The following PPP1R13B variants were observed in gnomAD, a reference collection of about 807,000 sequenced individuals.
PPP1R13B encodes apoptosis-stimulating of p53 protein 1.
A neutral mutation model predicts 119.8 loss-of-function variants in PPP1R13B; 44 were observed. That is an observed-to-expected ratio of 0.37 (90% CI 0.29 to 0.47). PPP1R13B has a LOEUF of 0.47. PPP1R13B is among the 20% of genes least tolerant of loss of function. The pLI is 0.99. For missense variants in PPP1R13B, 1,227 were observed against 1,413.5 expected (o/e 0.87, Z 2.12); for synonymous variants, 542 against 561.5 (o/e 0.97, Z 0.49).
chr14:103,772,932 G>A (rs2085105255), intron 4 of PPP1R13B, among the ~76,000 whole-genome samples: 1 of 152,130 alleles, frequency 6.6e-6, no homozygotes. Context: ...CTCCCAAAGT[G>A]CTGGGATTAC....
chr14:103,846,289 G>A (rs2087029854), intron 1 of PPP1R13B, among the ~76,000 whole-genome samples: 1 of 152,158 alleles, frequency 6.6e-6, no homozygotes, highest in Non-Finnish European at 1.5e-5. Context: ...TCAAGAGAAA[G>A]GAAATCAAAG....
intron 4 of PPP1R13B, chr14:103,764,593 T>C (rs2084894162): frequency 5.6e-6 from 1 of 177,124 alleles, no homozygotes; most frequent in African/African-American, 2.4e-5. Context: ...GATATGAAAG[T>C]TTCAAAATGC....
intron 4 of PPP1R13B, chr14:103,762,720 G>A (rs866281176): frequency 6.5e-5 from 42 of 642,598 alleles, no homozygotes; most frequent in South Asian, 9.7e-5. Context: ...GGGTGTCGGC[G>A]GTGGCCGTGG....
chr14:103,794,324 T>G (rs2085702760), intron 2 of PPP1R13B, among the ~76,000 whole-genome samples: 2 of 102,890 alleles, frequency 1.9e-5, no homozygotes, highest in South Asian at 5.3e-4. Context: ...GTAATTTGTT[T>G]TTTGTTTTTT....
chr14:103,735,152 G>C lies in PPP1R13B; in HGVS notation c.*2C>G. 1 of 1,614,182 alleles carries C rather than the reference G, an allele frequency of 6.2e-7. No individual in the cohort carries two copies. ...AGACCATGCGGTGCTCCAAAAGGAA[G>C]TTCAGGCGAGTGTTCGCTGTCGGGG... On this transcript the variant is annotated 3_prime_UTR_variant, in exon 17 of 17. Coordinates refer to ENST00000202556, the MANE Select transcript of PPP1R13B (RefSeq NM_015316.3).
upstream of PPP1R13B, chr14:103,848,182 G>T: frequency 1.1e-6 from 1 of 939,266 alleles, no homozygotes; most frequent in Non-Finnish European, 1.3e-6. Flanking sequence ...TCTCGGGGCC[G>T]CGCCCCCCGC....
upstream of PPP1R13B, chr14:103,848,569 A>G: frequency 1.1e-6 from 1 of 886,584 alleles, no homozygotes; most frequent in South Asian, 5.2e-5. Context: ...CACGGGCATC[A>G]GAAGGCAAGG....
intron 4 of PPP1R13B, among the ~76,000 whole-genome samples, chr14:103,764,914 G>C (rs928234008): frequency 5.3e-5 from 8 of 152,066 alleles, no homozygotes; most frequent in Non-Finnish European, 8.8e-5. Flanking sequence ...TGCCTCCCGG[G>C]TTCATGCCAT....
intron 1 of PPP1R13B, among the ~76,000 whole-genome samples, chr14:103,823,381 C>A (rs2086458667): frequency 6.6e-6 from 1 of 150,998 alleles, no homozygotes; most frequent in African/African-American, 2.4e-5. Flanking sequence ...ATTTGGCAGG[C>A]CACTGCTCTC....
At chr14:103,737,082 C>T (rs1229032582) in intron 15 of PPP1R13B, 2 of 152,176 alleles carry the variant, frequency 1.3e-5, no homozygotes, top group Non-Finnish European at 2.9e-5. Flanking sequence ...GCCCTGCTTC[C>T]AGAAGCAAGG....
chr14:103,814,676 T>C (rs1018923458), intron 1 of PPP1R13B, among the ~76,000 whole-genome samples: 4 of 151,954 alleles, frequency 2.6e-5, no homozygotes, highest in African/African-American at 9.7e-5. Flanking sequence ...CGGGGCGCGG[T>C]GGCTCACGCC....
At chr14:103,824,471 G>A (rs528726162) in intron 1 of PPP1R13B, among the ~76,000 whole-genome samples, 158 of 151,386 alleles carry the variant, frequency 1.0e-3, no homozygotes, top group Admixed American at 2.0e-3. Flanking sequence ...TGAGGTGGGC[G>A]GATCACGAGG....
rs1396737882 is a variant in PPP1R13B, at chr14:103,733,973, G to C, written c.*1181C>G. 3.8e-5 allele frequency: 6 copies of C among 157,964 alleles called. No homozygotes were observed. Among genetic ancestry groups the C allele is most frequent in the African/African-American group, 1.2e-4 (5 of 41,502 alleles). The allele number at this position is 157,964 out of a possible 1,614,324, so 9.8% of individuals were successfully genotyped here. The stretch of plus-strand genomic sequence containing the variant: ...ACACACGACTCATACATGAAAAATA[G>C]AGCCTAAGGGCCTGTATTTTAATGA... On this transcript the variant is annotated 3_prime_UTR_variant, in exon 17 of 17. Coordinates refer to ENST00000202556, the MANE Select transcript of PPP1R13B (RefSeq NM_015316.3).
intron 3 of PPP1R13B, among the ~76,000 whole-genome samples, chr14:103,780,533 G>A (rs915672793): frequency 1.4e-4 from 21 of 149,688 alleles, no homozygotes; most frequent in Non-Finnish European, 2.7e-4. Context: ...CTGAGATGGG[G>A]GCTGGACGTG....
At chr14:103,771,475 C>CTTTTTT (rs57795299) in intron 4 of PPP1R13B, among the ~76,000 whole-genome samples, 8 of 96,970 alleles carry the variant, frequency 8.2e-5, no homozygotes, top group African/African-American at 8.3e-5. Flanking sequence ...ACTAACACTT[C>CTTTTTT]TTTTTTTTTT....
chr14:103,848,682 G>T (rs2087132394), upstream of PPP1R13B, among the ~76,000 whole-genome samples: 1 of 152,242 alleles, frequency 6.6e-6, no homozygotes, highest in Non-Finnish European at 1.5e-5. Flanking sequence ...AGCCTGTCTG[G>T]TTCTCGGAGA....
intron 2 of PPP1R13B, among the ~76,000 whole-genome samples, chr14:103,787,602 A>G (rs1454015602): frequency 6.7e-6 from 1 of 150,126 alleles, no homozygotes; most frequent in Non-Finnish European, 1.5e-5. Flanking sequence ...ATTTGAGCCT[A>G]AGAGTTCAAG....
chr14:103,768,715 A>G (rs961085084), intron 4 of PPP1R13B, among the ~76,000 whole-genome samples: 1 of 150,246 alleles, frequency 6.7e-6, no homozygotes, highest in African/African-American at 2.4e-5. Context: ...GATTACAGGC[A>G]TGAGCCACTG....
At position 103,837,426 on chromosome 14, in the gene PPP1R13B, C is replaced by G. The variant is rs560894337; in HGVS notation, c.9+9873G>C. Among the ~76,000 whole-genome samples, 3 of 152,250 alleles carry G rather than the reference C, an allele frequency of 2.0e-5. No individual in the cohort carries two copies. In the East Asian group the frequency reaches 5.8e-4, roughly 29 times the overall value. On this transcript the variant is annotated intron_variant, in intron 1 of 16. Transcript: ENST00000202556. ...CCTTTAAACTTACTCCTTTCTCAAG[C>G]AGTATTTTCTATCTTAAAGGAAAGG...
Sources: allele counts gnomAD v4.1 joint callset (sites outside exome capture counted in the v4.1 genomes callset), GRCh38; gene constraint gnomAD v4.1.1; transcripts MANE v1.5; gene names NCBI Gene and HGNC (gene_info 2026-07-23, HGNC 2026-07-21).